Variants in PTPN2 observed in about 807,000 individuals in gnomAD.
The protein encoded by PTPN2 is protein tyrosine phosphatase non-receptor type 2, also known as tyrosine-protein phosphatase non-receptor type 2.
In PTPN2, 19 loss-of-function variants were observed where a neutral mutation model predicts 57.3. That is an observed-to-expected ratio of 0.33 (90% CI 0.23 to 0.49). PTPN2 has a LOEUF of 0.49. PTPN2 is among the 20% of genes least tolerant of loss of function. The pLI is 0.99. For synonymous variants in PTPN2, 153 were observed against 164.9 expected (o/e 0.93, Z 0.55); for missense variants, 358 against 501.1 (o/e 0.71, Z 2.73).
intron 5 of PTPN2, among the ~76,000 whole-genome samples, chr18:12,824,709 T>G (rs745717407): frequency 1.3e-5 from 2 of 152,194 alleles, no homozygotes; most frequent in Non-Finnish European, 2.9e-5. Context: ...ATCATCACCC[T>G]GGCAACAGCA....
At chr18:12,870,338 TATAC>T (rs2044169445) in intron 1 of PTPN2, among the ~76,000 whole-genome samples, 3 of 42,086 alleles carry the variant, frequency 7.1e-5, no homozygotes, top group African/African-American at 3.5e-4. Flanking sequence ...TATGTATATA[TATAC>T]ATATATATGT....
intron 2 of PTPN2, among the ~76,000 whole-genome samples, chr18:12,839,942 T>TAA (rs56043954): frequency 3.0e-4 from 43 of 144,526 alleles, no homozygotes; most frequent in East Asian, 1.8e-3. Context: ...TCATAAGCTT[T>TAA]AAAAAAAAAA....
chr18:12,817,430 A>G, intron 5 of PTPN2, 65 bp from the exon 6 acceptor site: 1 of 1,209,710 alleles, frequency 8.3e-7, no homozygotes, highest in Non-Finnish European at 1.2e-6. Context: ...CTACTTCAGA[A>G]AGATCATGTG....
intron 2 of PTPN2, among the ~76,000 whole-genome samples, chr18:12,852,104 G>C (rs960979917): frequency 2.6e-5 from 4 of 151,622 alleles, no homozygotes; most frequent in African/African-American, 4.8e-5. Flanking sequence ...AGATGGAAAA[G>C]TTCCAGAAAT....
At chr18:12,840,689 AGATT>A in intron 2 of PTPN2, 3 of 1,596,908 alleles carry the variant, frequency 1.9e-6, no homozygotes, top group Non-Finnish European at 2.5e-6. Context: ...AATGAAACCT[AGATT>A]TGTGCAATTT....
intron 7 of PTPN2, among the ~76,000 whole-genome samples, chr18:12,807,170 A>G (rs961694387): frequency 4.6e-5 from 7 of 152,164 alleles, no homozygotes; most frequent in African/African-American, 1.4e-4. Context: ...GAGCCAACAG[A>G]TACATGAGAA....
At chr18:12,853,041 A>G (rs1271189253) in intron 2 of PTPN2, among the ~76,000 whole-genome samples, 1 of 152,226 alleles carries the variant, frequency 6.6e-6, no homozygotes, top group African/African-American at 2.4e-5. Context: ...TAATCTCCTC[A>G]AGTATACCAT....
At chr18:12,873,430 G>A (rs1156947469) in intron 1 of PTPN2, among the ~76,000 whole-genome samples, 19 of 152,226 alleles carry the variant, frequency 1.2e-4, no homozygotes, top group Admixed American at 1.2e-3. Context: ...TGCGAGTGCA[G>A]GTGCGCGCCG....
intron 2 of PTPN2, among the ~76,000 whole-genome samples, chr18:12,841,894 G>A (rs974960324): frequency 6.8e-6 from 1 of 146,380 alleles, no homozygotes; most frequent in African/African-American, 2.5e-5. Context: ...AAAATAATCA[G>A]TAAGTATCTC....
intron 8 of PTPN2, among the ~76,000 whole-genome samples, chr18:12,798,342 A>G (rs2041272793): frequency 6.6e-6 from 1 of 152,108 alleles, no homozygotes; most frequent in African/African-American, 2.4e-5. Flanking sequence ...TGTTGTACAG[A>G]TTATTTCATC....
intron 2 of PTPN2, among the ~76,000 whole-genome samples, chr18:12,841,605 T>C (rs973754777): frequency 2.0e-5 from 3 of 152,224 alleles, no homozygotes; most frequent in African/African-American, 7.2e-5. Flanking sequence ...AAGTTCAACC[T>C]TTTCCAAACA....
At chr18:12,856,309 G>A (rs773454357) in intron 2 of PTPN2, among the ~76,000 whole-genome samples, 42 of 152,340 alleles carry the variant, frequency 2.8e-4, no homozygotes, top group Non-Finnish European at 5.6e-4. Context: ...AAGCATATTG[G>A]CTCAGACTAG....
In PTPN2 at chr18:12,793,926, G is replaced by A; in HGVS notation, c.*352C>T. The A allele has an allele frequency of 8.9e-7, 1 of 1,125,088 alleles. No homozygotes were observed. The highest frequency in any genetic ancestry group is 1.1e-6 in the Non-Finnish European group (1 of 917,134). 69.7% of individuals were successfully genotyped at this position (1,125,088 alleles called of 1,614,324 possible). On this transcript the variant is annotated 3_prime_UTR_variant, in exon 9 of 9. Coordinates refer to ENST00000309660, the MANE Select transcript of PTPN2 (RefSeq NM_002828.4). ...ATATTTATTGCTTATATCAAGTGCAGGTTAAAATCCAGATAGCCTCCAAAA... is the reference window on the plus strand; with the variant it reads ...ATATTTATTGCTTATATCAAGTGCAAGTTAAAATCCAGATAGCCTCCAAAA...
At chr18:12,870,678 T>C (rs2044240730) in intron 1 of PTPN2, among the ~76,000 whole-genome samples, 1 of 150,456 alleles carries the variant, frequency 6.6e-6, no homozygotes, top group African/African-American at 2.5e-5. Flanking sequence ...CCGGCTACTT[T>C]TTTTGTGTTT....
At chr18:12,841,110 T>A in intron 2 of PTPN2, 1 of 769,494 alleles carries the variant, frequency 1.3e-6, no homozygotes, top group Non-Finnish European at 1.8e-6. Flanking sequence ...CTTTATTGCA[T>A]AAAATATTGT....
chr18:12,875,327 A>AG (rs2044451643), intron 1 of PTPN2, among the ~76,000 whole-genome samples: 1 of 151,872 alleles, frequency 6.6e-6, no homozygotes, highest in Non-Finnish European at 1.5e-5. Context: ...TAAAAAAAAA[A>AG]AAAGCATAGA....
At chr18:12,785,931 T>G in intron 9 of PTPN2, 10 of 1,184,752 alleles carry the variant, frequency 8.4e-6, no homozygotes, top group South Asian at 1.2e-5. Flanking sequence ...ATAAAAGGAC[T>G]AACAATGAAC....
At chr18:12,853,628 T>G (rs2043472403) in intron 2 of PTPN2, among the ~76,000 whole-genome samples, 1 of 152,118 alleles carries the variant, frequency 6.6e-6, no homozygotes, top group South Asian at 2.1e-4. Context: ...GAAGGAGAAC[T>G]TTGATTGAGA....
chr18:12,807,578 A>ATATAT (rs1356091628), intron 7 of PTPN2, among the ~76,000 whole-genome samples: 2 of 59,272 alleles, frequency 3.4e-5, no homozygotes, highest in African/African-American at 4.2e-5. Context: ...GAAAAAAAAA[A>ATATAT]AAAAAAAAAT....
Sources: gnomAD v4.1 joint callset for allele counts (sites outside exome capture counted in the v4.1 genomes callset) on GRCh38, gnomAD v4.1.1 for gene constraint, MANE v1.5 for transcripts, NCBI Gene and HGNC (gene_info 2026-07-23, HGNC 2026-07-21) for gene names.